The following ENGASE variants were observed in gnomAD, a reference collection of about 807,000 sequenced individuals.
ENGASE encodes cytosolic endo-beta-N-acetylglucosaminidase.
Under a neutral mutation model 78.5 loss-of-function variants are expected in ENGASE, and 69 were observed. The observed-to-expected ratio is 0.88, with a 90% CI of 0.72 to 1.07. The LOEUF is 1.07. Among genes scored for constraint, ENGASE ranks in the 50% least tolerant of loss-of-function variants. The pLI, the probability that ENGASE is intolerant of heterozygous loss-of-function variation, is 0.00. For missense variants in ENGASE, 943 were observed against 988.4 expected (o/e 0.95, Z 0.62); for synonymous variants, 408 against 408.9 (o/e 1.00, Z 0.03).
In ENGASE at chr17:79,082,196, G is replaced by A. The variant is rs760960499; in HGVS notation, c.1038+133G>A. The stretch of plus-strand genomic sequence containing the variant: ...CTGTTCTTCCCAGAGTGGGGATCCC[G>A]TGGCACTGAGAAACAGGTGTCCTGC... On this transcript the variant is annotated intron_variant, in intron 7 of 13. Coordinates refer to ENST00000579016, the MANE Select transcript of ENGASE (RefSeq NM_001042573.3). The A allele has an allele frequency of 4.5e-5, 70 of 1,567,502 alleles. No individual in the cohort carries two copies. The Middle Eastern group carries it at 8.3e-4, about 19-fold the overall frequency.
In ENGASE at chr17:79,085,969, C is replaced by T. The variant is rs77472336; in HGVS notation, c.1852C>T (p.Gln618Ter). 80 of 1,605,744 alleles carry T rather than the reference C, an allele frequency of 5.0e-5. No homozygotes were observed. The African/African-American group carries it at 9.1e-4, about 18-fold the overall frequency. Reference sequence around the variant, plus strand: ...TGCCAGCCTGCTGGCCCCTCTGCCCCAGGTGCAGGCCGTCACCATCTCTCA... The same window carrying T: ...TGCCAGCCTGCTGGCCCCTCTGCCCTAGGTGCAGGCCGTCACCATCTCTCA... ...DAASLLAPLP[Q>*]VQAVTISHIR... Residue 618 changes from glutamine (Q) to a stop codon, truncating the protein, a stop_gained, in exon 14 of 14, where the codon CAG (glutamine) becomes TAG (stop). Coordinates refer to ENST00000579016, the MANE Select transcript of ENGASE (RefSeq NM_001042573.3). LOFTEE classifies it low-confidence loss of function (END_TRUNC).
chr17:79,081,829 G>A, intron 6 of ENGASE, 69 bp from the exon 7 acceptor site: 1 of 1,541,162 alleles, frequency 6.5e-7, no homozygotes, highest in Admixed American at 1.9e-5. Context: ...GGCTGAGACT[G>A]CAGGGTTGGT....
intron 5 of ENGASE, 59 bp downstream of exon 5, chr17:79,080,423 C>T (rs1599337967): frequency 1.3e-6 from 2 of 1,586,564 alleles, no homozygotes; most frequent in Admixed American, 1.7e-5. Context: ...CCCACCTCCA[C>T]CTCTTTCCTG....
intron 3 of ENGASE, 104 bp downstream of exon 3, chr17:79,077,968 CG>C: frequency 1.6e-6 from 2 of 1,228,078 alleles, no homozygotes; most frequent in South Asian, 3.0e-5. Context: ...GAGCACTGGG[CG>C]GGGAGTCAGG....
chr17:79,081,882 C>T lies in ENGASE; in HGVS notation c.873-16C>T. 1 of 1,604,432 alleles carries T rather than the reference C, an allele frequency of 6.2e-7. No individual in the cohort carries two copies. ...TCTGGGCCTGGGCCTCACAGCAGGT[C>T]CTTGTTGCTTCTCAGGGTCTTCTTT... On this transcript the variant is annotated splice_polypyrimidine_tract_variant and intron_variant, in intron 6 of 13. Transcript: ENST00000579016.
chr17:79,079,239 C>T (rs1339402906), intron 3 of ENGASE, among the ~76,000 whole-genome samples: 1 of 152,226 alleles, frequency 6.6e-6, no homozygotes, highest in Non-Finnish European at 1.5e-5. Flanking sequence ...TCTGGGCTCT[C>T]TCCAGCCTTG....
At position 79,087,066 on chromosome 17, in the gene ENGASE, C is replaced by A; in HGVS notation, c.*717C>A. 1 of 468,048 alleles carries A rather than the reference C, an allele frequency of 2.1e-6. No individual in the cohort carries two copies. The highest frequency in any genetic ancestry group is 4.3e-6 in the Non-Finnish European group (1 of 233,364). The allele number at this position is 468,048 out of a possible 1,614,324, so 29.0% of individuals were successfully genotyped here. A position where few individuals can be genotyped will look rare whatever the true frequency, so the allele number is the denominator to read the frequency against. On this transcript the variant is annotated 3_prime_UTR_variant, in exon 14 of 14. Transcript: ENST00000579016. ...AGCAGCCCCTGGCTCTGCGGCGTCT[C>A]TTCCGGGCTGTGGGCATGCAGGGAA...
rs760591687 is a variant in ENGASE at position 79,079,648 on chromosome 17, A to G, written c.565+11A>G. 1 of 1,610,992 alleles carries G rather than the reference A, an allele frequency of 6.2e-7. No homozygotes were observed. The highest frequency in any genetic ancestry group is 8.5e-7 in the Non-Finnish European group (1 of 1,179,152). On this transcript the variant is annotated intron_variant, in intron 4 of 13. Coordinates refer to ENST00000579016, the MANE Select transcript of ENGASE (RefSeq NM_001042573.3). ...GGGTCTGCGTGCTGGGTAAGAGCCA[A>G]GGACTCACCTCTGTGTCAGCCAGAC...
rs754147468 is a variant in ENGASE, at chr17:79,083,861, C to T, written c.1352C>T (p.Thr451Met). 3.1e-5 allele frequency: 50 copies of T among 1,612,578 alleles called. No individual in the cohort carries two copies. The highest frequency in any genetic ancestry group is 1.7e-4 in the Middle Eastern group (1 of 5,904). The change falls in exon 10 of 14, where the codon ACG (threonine) becomes ATG (methionine). Residue 451 changes from threonine (T) to methionine (M), a missense_variant. By Grantham distance (81) the Thr-to-Met change is moderately conservative. Transcript: ENST00000579016. This position sits in a 1 kb window ranked among gnomAD's most constrained non-coding sequence, Gnocchi z 4.9. ...GGGGATGGCCGGGGCTGGGTGAGGA[C>T]GCACTGCTGCCTGGAGGATGCCTGG... ...LGGDGRGWVR[T>M]HCCLEDAWHG...
At chr17:79,084,013 G>A (rs2073221316) in intron 10 of ENGASE, 62 bp downstream of exon 10, 5 of 1,456,350 alleles carry the variant, frequency 3.4e-6, no homozygotes, top group Non-Finnish European at 4.7e-6. Flanking sequence ...GGTGGCCATG[G>A]AACTGGACAG....
intron 5 of ENGASE, 99 bp downstream of exon 5, chr17:79,080,463 C>A: frequency 1.4e-6 from 2 of 1,428,406 alleles, no homozygotes; most frequent in Non-Finnish European, 1.9e-6. Context: ...CACGCCTGGG[C>A]TGCAGGTTGC....
Position 79,086,308 on chromosome 17 carries a change from G to A in ENGASE, c.2191G>A (p.Glu731Lys), listed in dbSNP as rs11871357. Residue 731 changes from glutamate (E) to lysine (K), a missense_variant, in exon 14 of 14, where the codon GAG becomes AAG. By Grantham distance (56) the Glu-to-Lys change is moderately conservative. Transcript: ENST00000579016. ...GGAAGGGTTCCGGGTACCTCAGGCCGAGTGGGGCAGGGCAGTTCTGCTTTA... is the reference window on the plus strand; with the variant it reads ...GGAAGGGTTCCGGGTACCTCAGGCCAAGTGGGGCAGGGCAGTTCTGCTTTA... ...PKEGFRVPQAEWGRAVLLYSA... is the reference protein window; with the variant it reads ...PKEGFRVPQAKWGRAVLLYSA... 12,407 of 1,613,450 alleles carry A rather than the reference G, an allele frequency of 7.7e-3. 765 individuals carry two copies. The African/African-American group carries it at 0.14, about 18-fold the overall frequency.
intron 11 of ENGASE, 27 bp from the exon 12 acceptor site, chr17:79,085,207 T>C (rs1247477188): frequency 3.8e-6 from 6 of 1,582,478 alleles, no homozygotes; most frequent in Non-Finnish European, 3.5e-6. Context: ...GATTCTCCTT[T>C]TTCAAGTTCC....
chr17:79,085,913 T>C lies in ENGASE; in HGVS notation c.1816-20T>C. On this transcript the variant is annotated intron_variant, in intron 13 of 13. Transcript: ENST00000579016. ...CCCGCCCCCGGGCGTCCAGCCGTGC[T>C]GAGCCTTCTCTCCTGCCAGGTGGTG... 3 of 1,586,584 alleles carry C rather than the reference T, an allele frequency of 1.9e-6. No individual in the cohort carries two copies. The highest frequency in any genetic ancestry group is 2.7e-5 in the African/African-American group (2 of 74,778).
In ENGASE at chr17:79,084,671, ATC is replaced by A. The variant is rs1166449495; in HGVS notation, c.1579_1580del (p.Leu529GlufsTer62). On this transcript the variant is annotated frameshift_variant, in exon 11 of 14. Transcript: ENST00000579016. LOFTEE classifies it high-confidence loss of function. ...TGCCGGCAGCTGCCACATCGGTGGC[ATC>A]TCAGTGTTGAACGGTGAGGTAATGG... ...GDAGSCHIGG[I>X]SVLNAETSSR... 6.2e-7 allele frequency: 1 copy of A among 1,611,752 alleles called. No homozygotes were observed. Among genetic ancestry groups the A allele is most frequent in the Non-Finnish European group, 8.5e-7 (1 of 1,179,242 alleles).
chr17:79,078,354 TA>T (rs2073020587), intron 3 of ENGASE, among the ~76,000 whole-genome samples: 1 of 151,684 alleles, frequency 6.6e-6, no homozygotes. Context: ...AAATAAAAAA[TA>T]AAAAAAGGAA....
Position 79,077,732 on chromosome 17 carries a change from C to A in ENGASE, c.284C>A (p.Ala95Glu). Residue 95 changes from alanine to glutamate, a missense_variant, in exon 3 of 14, where the codon GCG becomes GAG. By Grantham distance (107) the Ala-to-Glu change is moderately radical. Transcript: ENST00000579016. The part of the protein sequence containing the change: ...FYLSSLEELL[A>E]WKPRLEDGFN... ...TTGTCTTCGCTGGAGGAGCTCTTGG[C>A]GTGGAAGCCCCGCTTGGAGGATGGC... 1.2e-6 allele frequency: 2 copies of A among 1,614,192 alleles called. No individual in the cohort carries two copies. Among genetic ancestry groups the A allele is most frequent in the Non-Finnish European group, 1.7e-6 (2 of 1,180,042 alleles).
At chr17:79,077,001 G>C (rs1334076552) in intron 1 of ENGASE, among the ~76,000 whole-genome samples, 1 of 152,178 alleles carries the variant, frequency 6.6e-6, no homozygotes, top group African/African-American at 2.4e-5. Flanking sequence ...AGCCTCCCAA[G>C]GTGCTGGGAT....
rs781671656 is a variant in ENGASE at position 79,079,595 on chromosome 17, G to A, written c.523G>A (p.Gly175Ser). The A allele has an allele frequency of 9.9e-6, 16 of 1,613,890 alleles. No homozygotes were observed. The highest frequency in any genetic ancestry group is 9.3e-6 in the Non-Finnish European group (11 of 1,180,002). Reference protein sequence around the residue: ...SHHTVTIPPVGWTNTAHRHGV... With the variant: ...SHHTVTIPPVSWTNTAHRHGV... The stretch of plus-strand genomic sequence containing the variant: ...CCACACCGTCACCATTCCCCCAGTG[G>A]GCTGGACCAACACTGCCCACAGGCA... Residue 175 changes from glycine (G) to serine (S), a missense_variant, in exon 4 of 14, where the codon GGC becomes AGC. Coordinates refer to ENST00000579016, the MANE Select transcript of ENGASE (RefSeq NM_001042573.3).
Sources: allele counts gnomAD v4.1 joint callset (sites outside exome capture counted in the v4.1 genomes callset), GRCh38; gene constraint gnomAD v4.1.1; non-coding constraint Gnocchi (gnomAD v3.1); transcripts MANE v1.5; gene names NCBI Gene and HGNC (gene_info 2026-07-23, HGNC 2026-07-21).